Variants in F13A1 observed in about 807,000 individuals in gnomAD.
F13A1 encodes the protein FSF, A subunit.
In F13A1, 47 loss-of-function variants were observed where a neutral mutation model predicts 80.1. The ratio of observed to expected loss-of-function variants is 0.59; its 90% CI spans 0.46 to 0.75. F13A1 has a LOEUF of 0.75. Among genes scored for constraint, F13A1 ranks in the 30% least tolerant of loss-of-function variants. The pLI is 0.00. For synonymous variants in F13A1, 349 were observed against 344.9 expected (o/e 1.01, Z -0.13); for missense variants, 817 against 930.4 (o/e 0.88, Z 1.59).
Position 6,168,165 on chromosome 6 carries a change from G to T in F13A1, c.1748-547C>A, listed in dbSNP as rs558877299. ...TTTTTCTATTTAAGAGAAGGAAGCTGTTGAAACCAGTTTCTACCAAAGGCA... is the reference window on the plus strand; with the variant it reads ...TTTTTCTATTTAAGAGAAGGAAGCTTTTGAAACCAGTTTCTACCAAAGGCA... On this transcript the variant is annotated intron_variant, in intron 12 of 14. Coordinates refer to ENST00000264870, the MANE Select transcript of F13A1 (RefSeq NM_000129.4). 2.6e-5 allele frequency among the ~76,000 whole-genome samples: 4 copies of T among 152,368 alleles called. No individual in the cohort carries two copies. The South Asian group carries it at 8.3e-4, about 32-fold the overall frequency.
At chr6:6,195,630 A>G (rs1481475393) in intron 10 of F13A1, among the ~76,000 whole-genome samples, 167 bp downstream of exon 10, 1 of 152,222 alleles carries the variant, frequency 6.6e-6, no homozygotes, top group East Asian at 1.9e-4. Flanking sequence ...CAAGAACTGC[A>G]TTTAGCATTA....
At chr6:6,204,857 C>T (rs1258933947) in intron 8 of F13A1, among the ~76,000 whole-genome samples, 1 of 152,222 alleles carries the variant, frequency 6.6e-6, no homozygotes, top group Non-Finnish European at 1.5e-5. Context: ...AGTGCTGAAA[C>T]CAGCAAGGGG....
At chr6:6,260,361 G>A (rs1757761599) in intron 4 of F13A1, among the ~76,000 whole-genome samples, 1 of 152,200 alleles carries the variant, frequency 6.6e-6, no homozygotes, top group African/African-American at 2.4e-5. Flanking sequence ...AGCATCCTGT[G>A]CCACCTCGGG....
At chr6:6,232,588 C>G (rs1207730048) in intron 6 of F13A1, among the ~76,000 whole-genome samples, 2 of 152,080 alleles carry the variant, frequency 1.3e-5, no homozygotes, top group African/African-American at 2.4e-5. Context: ...TAAACTATAC[C>G]TTGGAACAAA....
chr6:6,290,959 A>G (rs867083059), intron 3 of F13A1, among the ~76,000 whole-genome samples: 19 of 152,222 alleles, frequency 1.2e-4, no homozygotes, highest in African/African-American at 4.3e-4. Flanking sequence ...TATGTTATGT[A>G]TGTGAAAATC....
At chr6:6,201,745 T>C (rs539288435) in intron 8 of F13A1, among the ~76,000 whole-genome samples, 2 of 152,360 alleles carry the variant, frequency 1.3e-5, no homozygotes, top group South Asian at 4.1e-4. Context: ...CAGGGTCTCA[T>C]GTTGCCCAGG....
chr6:6,248,275 G>A, intron 6 of F13A1, 37 bp downstream of exon 6: 1 of 1,521,172 alleles, frequency 6.6e-7, no homozygotes, highest in Non-Finnish European at 9.1e-7. Context: ...CAAATGACAG[G>A]TGTAACAGAT....
At chr6:6,202,302 A>T (rs1761409522) in intron 8 of F13A1, among the ~76,000 whole-genome samples, 1 of 152,184 alleles carries the variant, frequency 6.6e-6, no homozygotes, top group Admixed American at 6.5e-5. Flanking sequence ...CTTTATCTAG[A>T]TCCATAAGAG....
At chr6:6,206,624 T>C (rs1003578959) in intron 8 of F13A1, 5 of 489,508 alleles carry the variant, frequency 1.0e-5, no homozygotes, top group Non-Finnish European at 2.1e-5. Context: ...GGGAGGAGAG[T>C]GTAGGGCAGT....
At chr6:6,310,029 T>C (rs942674639) in intron 2 of F13A1, among the ~76,000 whole-genome samples, 8 of 152,202 alleles carry the variant, frequency 5.3e-5, no homozygotes, top group East Asian at 1.9e-4. Flanking sequence ...CTAGTTCTCA[T>C]TGCAAATGAA....
intron 3 of F13A1, among the ~76,000 whole-genome samples, chr6:6,303,096 A>G (rs1758458783): frequency 6.6e-6 from 1 of 152,212 alleles, no homozygotes; most frequent in Non-Finnish European, 1.5e-5. Flanking sequence ...TTACTTCATG[A>G]AACCAACAAT....
chr6:6,206,104 T>C (rs1185313859), intron 8 of F13A1, among the ~76,000 whole-genome samples: 2 of 151,584 alleles, frequency 1.3e-5, no homozygotes, highest in South Asian at 2.1e-4. Flanking sequence ...AGTGTCTCCA[T>C]AATTATTGAA....
At chr6:6,277,138 A>G (rs181070011) in intron 3 of F13A1, among the ~76,000 whole-genome samples, 1 of 68,434 alleles carries the variant, frequency 1.5e-5, no homozygotes, top group East Asian at 2.7e-4. Flanking sequence ...GATCGAGACC[A>G]TCCCGGCTAA....
chr6:6,239,470 T>TA (rs138990273), intron 6 of F13A1, among the ~76,000 whole-genome samples: 12 of 151,992 alleles, frequency 7.9e-5, no homozygotes, highest in South Asian at 2.1e-4. Flanking sequence ...TTACTTCAAT[T>TA]AAAAAAAATC....
At chr6:6,241,143 AC>A (rs144220923) in intron 6 of F13A1, among the ~76,000 whole-genome samples, 177 of 152,292 alleles carry the variant, frequency 1.2e-3, no homozygotes, top group African/African-American at 4.1e-3. Flanking sequence ...ATAGAAAGAG[AC>A]AATAACACTT....
At chr6:6,207,716 C>T (rs1452206715) in intron 8 of F13A1, among the ~76,000 whole-genome samples, 1 of 152,214 alleles carries the variant, frequency 6.6e-6, no homozygotes, top group Non-Finnish European at 1.5e-5. Context: ...ACACACAACG[C>T]TACTTGGCTA....
chr6:6,194,831 A>T (rs1004041852), intron 10 of F13A1, among the ~76,000 whole-genome samples: 4 of 152,210 alleles, frequency 2.6e-5, no homozygotes, highest in Non-Finnish European at 5.9e-5. Flanking sequence ...ACCAGTATGC[A>T]TTCAGGTATC....
intron 3 of F13A1, among the ~76,000 whole-genome samples, chr6:6,290,625 T>A (rs1758210107): frequency 6.6e-6 from 1 of 152,160 alleles, no homozygotes; most frequent in African/African-American, 2.4e-5. Context: ...ATGATGGAAC[T>A]TTTTTCCCCC....
chr6:6,222,050 G>C lies in F13A1; in HGVS notation c.1095C>G (p.Leu365=). The C allele has an allele frequency of 1.9e-6, 3 of 1,613,988 alleles. No individual in the cohort carries two copies. In the South Asian group the frequency reaches 3.3e-5, roughly 18 times the overall value. ...LEEDGNVNSK[L]TKDSVWNYHC... ...AAACTCACCACACTGAATCCTTGGT[G>C]AGTTTGGAATTCACGTTCCCATCTT... is the stretch of plus-strand genomic sequence containing the variant. Residue 365 remains leucine (L), a synonymous_variant, in exon 8 of 15, where the codon CTC becomes CTG. Coordinates refer to ENST00000264870, the MANE Select transcript of F13A1 (RefSeq NM_000129.4).
Sources: allele counts gnomAD v4.1 joint callset (sites outside exome capture counted in the v4.1 genomes callset), GRCh38; gene constraint gnomAD v4.1.1; transcripts MANE v1.5; gene names NCBI Gene and HGNC (gene_info 2026-07-23, HGNC 2026-07-21).